Variants in PTPRZ1 observed in about 807,000 individuals in gnomAD.
The protein encoded by PTPRZ1 is protein tyrosine phosphatase receptor type Z1, also known as receptor-type tyrosine-protein phosphatase zeta.
Under a neutral mutation model 214.1 loss-of-function variants are expected in PTPRZ1, and 82 were observed. The ratio of observed to expected loss-of-function variants is 0.38; its 90% CI spans 0.32 to 0.46. The LOEUF (loss-of-function observed/expected upper bound fraction) is 0.46. Ranked by LOEUF, PTPRZ1 falls within the 20% of genes least tolerant of loss-of-function variation. The probability of loss-of-function intolerance (pLI) is 1.00; values close to 1 mark genes in which losing one functional copy is unlikely to be tolerated. For synonymous variants in PTPRZ1, 945 were observed against 987.9 expected (o/e 0.96, Z 0.81); for missense variants, 2,603 against 2,748.7 (o/e 0.95, Z 1.19).
chr7:121,908,374 T>A, intron 1 of PTPRZ1: 3 of 245,244 alleles, frequency 1.2e-5, no homozygotes, highest in Non-Finnish European at 2.4e-5. Flanking sequence ...GAAAAGAATA[T>A]CAACTATACA....
chr7:121,928,414 T>C (rs1795827849), intron 2 of PTPRZ1, among the ~76,000 whole-genome samples, 193 bp downstream of exon 2: 1 of 152,186 alleles, frequency 6.6e-6, no homozygotes, highest in South Asian at 2.1e-4. Context: ...TTTGGTAATG[T>C]AGGGCTTATT....
At position 121,996,544 on chromosome 7, in the gene PTPRZ1, T is replaced by G; in HGVS notation, c.1091T>G (p.Leu364Trp). 6.2e-7 allele frequency: 1 copy of G among 1,611,944 alleles called. No homozygotes were observed. Among genetic ancestry groups the G allele is most frequent in the Non-Finnish European group, 8.5e-7 (1 of 1,178,848 alleles). ...DGEDQTKHEFLTDGYQDLGAI... is the reference protein window; with the variant it reads ...DGEDQTKHEFWTDGYQDLGAI... ...GAGGACCAAACCAAGCATGAATTTT[T>G]GACAGATGGCTATCAAGACTTGGTA... The change falls in exon 9 of 30, where the codon TTG (leucine) becomes TGG (tryptophan). Residue 364 changes from leucine (L) to tryptophan (W), a missense_variant. Transcript: ENST00000393386.
chr7:122,025,314 T>A (rs1034945924), intron 13 of PTPRZ1, among the ~76,000 whole-genome samples: 1 of 151,234 alleles, frequency 6.6e-6, no homozygotes, highest in African/African-American at 2.4e-5. Context: ...TTCAAAACAG[T>A]CTTTTCTTTT....
chr7:121,873,954 C>T (rs1233673739), intron 1 of PTPRZ1, among the ~76,000 whole-genome samples: 1 of 151,986 alleles, frequency 6.6e-6, no homozygotes, highest in African/African-American at 2.4e-5. Context: ...GGGCTGTGTA[C>T]TGTACTGTCT....
chr7:121,951,991 C>T (rs1185179525), intron 2 of PTPRZ1, among the ~76,000 whole-genome samples: 1 of 147,464 alleles, frequency 6.8e-6, no homozygotes, highest in Non-Finnish European at 1.5e-5. Flanking sequence ...CGGAGTCTCG[C>T]TCTGTCGCCC....
At chr7:122,009,897 T>C (rs1798595537) in intron 11 of PTPRZ1, among the ~76,000 whole-genome samples, 2 of 152,202 alleles carry the variant, frequency 1.3e-5, no homozygotes, top group Non-Finnish European at 2.9e-5. Context: ...ATATTCTGAA[T>C]GTTCAACTAC....
intron 1 of PTPRZ1, among the ~76,000 whole-genome samples, chr7:121,915,940 C>T (rs1190485757): frequency 2.6e-5 from 4 of 152,178 alleles, no homozygotes; most frequent in African/African-American, 4.8e-5. Context: ...ACAGAGCTAG[C>T]TCCTTTGATG....
chr7:121,874,138 T>C (rs1207133412), intron 1 of PTPRZ1, among the ~76,000 whole-genome samples: 1 of 146,082 alleles, frequency 6.8e-6, no homozygotes, highest in Non-Finnish European at 1.5e-5. Context: ...AATTTAGTCA[T>C]ATTCAAGTCT....
At chr7:122,054,885 G>T in intron 26 of PTPRZ1, 56 bp from the exon 27 acceptor site, 2 of 1,473,864 alleles carry the variant, frequency 1.4e-6, no homozygotes, top group Non-Finnish European at 1.8e-6. Flanking sequence ...TTCACAATCT[G>T]ACTTATTGGT....
At chr7:121,906,166 G>A (rs1442566673) in intron 1 of PTPRZ1, among the ~76,000 whole-genome samples, 3 of 152,202 alleles carry the variant, frequency 2.0e-5, no homozygotes, top group Admixed American at 1.3e-4. Context: ...AGTTTTAAAA[G>A]GTCTCTACCT....
chr7:122,023,355 C>A (rs1312595013), intron 13 of PTPRZ1, among the ~76,000 whole-genome samples: 1 of 150,608 alleles, frequency 6.6e-6, no homozygotes, highest in Non-Finnish European at 1.5e-5. Flanking sequence ...CAATTACCCA[C>A]CTAGGACTTG....
At chr7:121,985,087 G>A (rs527601629) in intron 8 of PTPRZ1, among the ~76,000 whole-genome samples, 1 of 152,110 alleles carries the variant, frequency 6.6e-6, no homozygotes, top group East Asian at 1.9e-4. Context: ...GTTTTAATGT[G>A]ATATTTCCAA....
chr7:122,044,390 A>T, intron 22 of PTPRZ1, 32 bp from the exon 23 acceptor site: 3 of 1,612,320 alleles, frequency 1.9e-6, no homozygotes, highest in Non-Finnish European at 2.5e-6. Context: ...GAAAACTTGA[A>T]CTAATGTTGC....
chr7:121,983,489 T>A (rs1451781501), intron 6 of PTPRZ1, among the ~76,000 whole-genome samples, 176 bp from the exon 7 acceptor site: 2 of 152,252 alleles, frequency 1.3e-5, no homozygotes, highest in Admixed American at 1.3e-4. Flanking sequence ...GTGACATGTG[T>A]AATACAATTT....
intron 8 of PTPRZ1, among the ~76,000 whole-genome samples, chr7:121,995,321 T>C (rs1411806249): frequency 6.6e-6 from 1 of 152,324 alleles, no homozygotes; most frequent in Admixed American, 6.5e-5. Context: ...ACTTCAGGTG[T>C]CACCTGAAAA....
intron 2 of PTPRZ1, among the ~76,000 whole-genome samples, chr7:121,964,231 A>C (rs980845067): frequency 6.6e-6 from 1 of 152,226 alleles, no homozygotes; most frequent in African/African-American, 2.4e-5. Flanking sequence ...TCATGCTGCT[A>C]TAAGGACATA....
intron 2 of PTPRZ1, among the ~76,000 whole-genome samples, chr7:121,933,168 A>G (rs1795974383): frequency 6.6e-6 from 1 of 151,076 alleles, no homozygotes; most frequent in Admixed American, 6.6e-5. Context: ...AAAAAAAAAA[A>G]GATAAAGTGA....
At position 122,013,045 on chromosome 7, in the gene PTPRZ1, C is replaced by T. The variant is rs371539882; in HGVS notation, c.3999C>T (p.Ser1333=). ...LNTLINKLIH[S]DEILTSTKSS... ...CACTAATAAATAAGCTTATACATTC[C>T]GATGAAATTTTAACCTCCACCAAAA... is the stretch of plus-strand genomic sequence containing the variant. The change falls in exon 12 of 30, where the codon TCC becomes TCT. Residue 1333 remains serine, a synonymous_variant. Coordinates refer to ENST00000393386, the MANE Select transcript of PTPRZ1 (RefSeq NM_002851.3). The T allele has an allele frequency of 2.5e-5, 41 of 1,613,608 alleles. No individual in the cohort carries two copies. Among genetic ancestry groups the T allele is most frequent in the Non-Finnish European group, 3.2e-5 (38 of 1,179,678 alleles).
rs1799820913 is a variant in PTPRZ1, at chr7:122,044,461, A to G, written c.5977A>G (p.Ile1993Val). 17 of 1,613,800 alleles carry G rather than the reference A, an allele frequency of 1.1e-5. No homozygotes were observed. Among genetic ancestry groups the G allele is most frequent in the Non-Finnish European group, 1.4e-5 (16 of 1,179,816 alleles). ...VFIHDTLVEA[I>V]LSKETEVLDS... ...CATTCATGATACACTGGTTGAGGCC[A>G]TACTTAGTAAAGAAACTGAGGTGCT... Residue 1993 changes from isoleucine (I) to valine (V), a missense_variant, in exon 23 of 30, where the codon ATA becomes GTA. Physicochemically the swap from Ile to Val is conservative, Grantham distance 29. Transcript: ENST00000393386.
Sources: allele counts gnomAD v4.1 joint callset (sites outside exome capture counted in the v4.1 genomes callset), GRCh38; gene constraint gnomAD v4.1.1; transcripts MANE v1.5; gene names NCBI Gene and HGNC (gene_info 2026-07-23, HGNC 2026-07-21).